CDON: variants seen among roughly 807,000 people sequenced by gnomAD.
The protein encoded by CDON is cell adhesion molecule-related/down-regulated by oncogenes.
In CDON, 73 loss-of-function variants were observed where a neutral mutation model predicts 120.9. The observed-to-expected ratio is 0.60, with a 90% CI of 0.50 to 0.73. CDON has a LOEUF of 0.73. Among genes scored for constraint, CDON ranks in the 30% least tolerant of loss-of-function variants. The pLI, the probability that CDON is intolerant of heterozygous loss-of-function variation, is 0.00. For synonymous variants in CDON, 566 were observed against 573.5 expected (o/e 0.99, Z 0.19); for missense variants, 1,470 against 1,587.3 (o/e 0.93, Z 1.26).
intron 6 of CDON, among the ~76,000 whole-genome samples, chr11:126,016,268 G>A (rs1002237596): frequency 6.6e-6 from 1 of 152,162 alleles, no homozygotes; most frequent in African/African-American, 2.4e-5. Context: ...ATTTTCTGCA[G>A]CTACACATGA....
chr11:126,014,911 T>A (rs1310627496), intron 7 of CDON: 1 of 312,290 alleles, frequency 3.2e-6, no homozygotes, highest in East Asian at 7.2e-5. Context: ...ACAAGGCTGC[T>A]CAAGAAACTG....
chr11:126,037,810 T>C (rs1286300670), intron 1 of CDON, among the ~76,000 whole-genome samples: 1 of 152,196 alleles, frequency 6.6e-6, no homozygotes, highest in African/African-American at 2.4e-5. Flanking sequence ...GCTTAGGTTC[T>C]GTCTGCAAAA....
chr11:126,018,596 T>TGAGACC, intron 4 of CDON, 123 bp from the exon 5 acceptor site: 1 of 832,542 alleles, frequency 1.2e-6, no homozygotes, highest in Non-Finnish European at 2.0e-6. Flanking sequence ...GAGATGGGGG[T>TGAGACC]CTCATTCTGT....
intron 1 of CDON, among the ~76,000 whole-genome samples, chr11:126,056,720 A>G (rs1204084678): frequency 6.6e-6 from 1 of 152,200 alleles, no homozygotes; most frequent in East Asian, 1.9e-4. Context: ...ATACAAACAA[A>G]TTCTGAATGT....
chr11:125,972,381 T>C (rs1390683586), intron 18 of CDON, among the ~76,000 whole-genome samples: 1 of 151,986 alleles, frequency 6.6e-6, no homozygotes, highest in African/African-American at 2.4e-5. Flanking sequence ...GAGCCAAGAC[T>C]ACACCACTGC....
intron 1 of CDON, among the ~76,000 whole-genome samples, chr11:126,062,110 G>T (rs1948812248): frequency 6.6e-6 from 1 of 152,200 alleles, no homozygotes; most frequent in Non-Finnish European, 1.5e-5. Flanking sequence ...GGAAGTCAGT[G>T]AGTCTTGTGA....
rs572847366 is a variant in CDON, at chr11:125,994,152, C to A, written c.2650+132G>T. 1.3e-4 allele frequency: 89 copies of A among 687,104 alleles called. No individual in the cohort carries two copies. In the African/African-American group the frequency reaches 1.4e-3, roughly 11 times the overall value. The allele number at this position is 687,104 out of a possible 1,614,324, so 42.6% of individuals were successfully genotyped here. A position where few individuals can be genotyped will look rare whatever the true frequency, so the allele number is the denominator to read the frequency against. On this transcript the variant is annotated intron_variant, in intron 14 of 19. Transcript: ENST00000531738. ...CGGGAAAAGGTGGCTTTCTTTGGGA[C>A]AAATTCAACAGCAATAACACATACA...
At chr11:126,020,793 T>C (rs1947611506) in intron 3 of CDON, among the ~76,000 whole-genome samples, 1 of 152,150 alleles carries the variant, frequency 6.6e-6, no homozygotes. Context: ...ATTAAATATA[T>C]TAAAATCACT....
Position 126,021,608 on chromosome 11 carries a change from A to G in CDON, c.77-88T>C, listed in dbSNP as rs1486595170. 4 of 1,177,088 alleles carry G rather than the reference A, an allele frequency of 3.4e-6. No homozygotes were observed. In the African/African-American group the frequency reaches 6.2e-5, roughly 18 times the overall value. 72.9% of individuals were successfully genotyped at this position (1,177,088 alleles called of 1,614,324 possible). A position where few individuals can be genotyped will look rare whatever the true frequency, so the allele number is the denominator to read the frequency against. On this transcript the variant is annotated intron_variant, in intron 2 of 19. Transcript: ENST00000531738. ...ATTACATTAAACACATTTCATCTGT[A>G]TCTTTATAACTAAAGGCAATCTTTT...
In CDON at chr11:126,037,226, C is replaced by T. The variant is rs140990375; in HGVS notation, c.-61-13689G>A. Among the ~76,000 whole-genome samples the T allele has an allele frequency of 4.0e-4, 61 of 152,090 alleles. 2 individuals carry two copies. The East Asian group carries it at 0.011, about 27-fold the overall frequency. On this transcript the variant is annotated intron_variant, in intron 1 of 19. Coordinates refer to ENST00000531738, the MANE Select transcript of CDON (RefSeq NM_001378964.1). ...AGGCGATCCTCCCACCTCAGCCTCC[C>T]GAGTAGCTGGACCACAGGTGTGCAC...
rs116454571 is a variant in CDON, at chr11:126,023,583, G to A, written c.-61-46C>T. The A allele has an allele frequency of 2.2e-4, 188 of 861,048 alleles. No individual in the cohort carries two copies. The African/African-American group carries it at 2.5e-3, about 12-fold the overall frequency. The allele number at this position is 861,048 out of a possible 1,614,324, so 53.3% of individuals were successfully genotyped here. A position where few individuals can be genotyped will look rare whatever the true frequency, so the allele number is the denominator to read the frequency against. On this transcript the variant is annotated intron_variant, in intron 1 of 19. Coordinates refer to ENST00000531738, the MANE Select transcript of CDON (RefSeq NM_001378964.1). ...AAAATCTAAACCATTGAAATCTTTCGTCTGAGCAGCTGGAGCTGTGAGCAT... is the reference window on the plus strand; with the variant it reads ...AAAATCTAAACCATTGAAATCTTTCATCTGAGCAGCTGGAGCTGTGAGCAT...
At chr11:126,036,950 A>G (rs530808175) in intron 1 of CDON, among the ~76,000 whole-genome samples, 3 of 152,330 alleles carry the variant, frequency 2.0e-5, no homozygotes, top group African/African-American at 7.2e-5. Flanking sequence ...AGCCGCCCAA[A>G]GTGCTGGGAT....
intron 18 of CDON, among the ~76,000 whole-genome samples, chr11:125,966,125 G>A (rs1399852343): frequency 7.4e-5 from 10 of 135,648 alleles, no homozygotes; most frequent in African/African-American, 1.4e-4. Context: ...CAAGAAGCGC[G>A]AAATTCCATC....
Position 126,003,914 on chromosome 11 carries a change from G to A in CDON, c.2014C>T (p.Arg672Ter), listed in dbSNP as rs778852790. The A allele has an allele frequency of 9.9e-6, 16 of 1,613,984 alleles. No individual in the cohort carries two copies. Among genetic ancestry groups the A allele is most frequent in the South Asian group, 1.1e-5 (1 of 91,078 alleles). The change falls in exon 10 of 20, where the codon CGA becomes TGA. Residue 672 changes from arginine (R) to a stop codon, truncating the protein, a stop_gained. Coordinates refer to ENST00000531738, the MANE Select transcript of CDON (RefSeq NM_001378964.1). LOFTEE classifies it high-confidence loss of function. ...GEGQPAMLTF[R>*]TSKEKTASSK... is the part of the protein sequence containing the mutation. ...AGCCCTCACTCACCTTTGCTGGTTC[G>A]GAAGGTAAGCATGGCAGGTTGGCCT...
chr11:125,961,355 C>T (rs762503410), intron 19 of CDON, among the ~76,000 whole-genome samples: 1 of 152,124 alleles, frequency 6.6e-6, no homozygotes, highest in African/African-American at 2.4e-5. Flanking sequence ...CTAAAATAAC[C>T]ACCTGAAAGA....
At chr11:126,012,453 G>C (rs1298992) in intron 7 of CDON, among the ~76,000 whole-genome samples, 9 of 151,772 alleles carry the variant, frequency 5.9e-5, no homozygotes, top group Admixed American at 2.0e-4. Flanking sequence ...CCAGGCCGGA[G>C]TGCAGTAGTG....
intron 15 of CDON, among the ~76,000 whole-genome samples, chr11:125,988,343 G>T (rs537995583): frequency 6.6e-6 from 1 of 152,230 alleles, no homozygotes; most frequent in Non-Finnish European, 1.5e-5. Context: ...AGGTGGCAAT[G>T]GGAACATGAC....
chr11:126,005,267 A>G, intron 9 of CDON: 1 of 194,476 alleles, frequency 5.1e-6, no homozygotes, highest in Non-Finnish European at 1.0e-5. Context: ...ACACCACTGC[A>G]CTGTGGCCTG....
At position 126,053,039 on chromosome 11, in the gene CDON, T is replaced by C. The variant is rs753340719; in HGVS notation, c.-62+9540A>G. On this transcript the variant is annotated intron_variant, in intron 1 of 19. Transcript: ENST00000531738. The stretch of plus-strand genomic sequence containing the variant: ...TCCTGGAATGGATCCCCCATGGATA[T>C]TGAGGGACGACTGTATTCACAATTA... 9.2e-5 allele frequency among the ~76,000 whole-genome samples: 14 copies of C among 152,216 alleles called. 1 individual carries two copies. Among genetic ancestry groups the C allele is most frequent in the East Asian group, 3.9e-4 (2 of 5,164 alleles).
Sources: allele counts gnomAD v4.1 joint callset (sites outside exome capture counted in the v4.1 genomes callset), GRCh38; gene constraint gnomAD v4.1.1; transcripts MANE v1.5; gene names NCBI Gene and HGNC (gene_info 2026-07-23, HGNC 2026-07-21).